The following PHF12 variants were observed in gnomAD, a reference collection of about 807,000 sequenced individuals.
PHF12 encodes PHD factor 1.
Under a neutral mutation model 99.8 loss-of-function variants are expected in PHF12, and 6 were observed. That is an observed-to-expected ratio of 0.06 (90% CI 0.03 to 0.12). The LOEUF (loss-of-function observed/expected upper bound fraction) is 0.12. Among genes scored for constraint, PHF12 ranks in the 10% least tolerant of loss-of-function variants. The probability of loss-of-function intolerance (pLI) is 1.00; values close to 1 mark genes in which losing one functional copy is unlikely to be tolerated. For synonymous variants in PHF12, 480 were observed against 514.9 expected (o/e 0.93, Z 0.92); for missense variants, 954 against 1,300.1 (o/e 0.73, Z 4.09).
intron 2 of PHF12, among the ~76,000 whole-genome samples, chr17:28,934,353 T>C (rs762060247): frequency 7.2e-5 from 11 of 152,246 alleles, no homozygotes; most frequent in Non-Finnish European, 1.6e-4. Flanking sequence ...GATTTTTTCC[T>C]ACTCTTTTCA....
intron 4 of PHF12, among the ~76,000 whole-genome samples, chr17:28,923,651 C>CAAAAAAAAAAAAAAAAAAAA (rs1491183033): frequency 0.02 from 442 of 21,896 alleles, 35 homozygotes; most frequent in Non-Finnish European, 0.025. Context: ...AAGTGAGACT[C>CAAAAAAAAAAAAAAAAAAAA]ACAAAAAAAA....
chr17:28,950,228 C>T lies in PHF12; in HGVS notation c.85G>A (p.Ala29Thr). Reference protein sequence around the residue: ...GLMEQIQALLAPPKTDEAEKR... With the variant: ...GLMEQIQALLTPPKTDEAEKR... ...TCTGCCTCGTCCGTCTTGGGGGGAG[C>T]CAGCAGAGCTTGGATTTGCTGCACA... The change falls in exon 2 of 15, where the codon GCT (alanine) becomes ACT (threonine). Residue 29 changes from alanine to threonine, a missense_variant. By Grantham distance (58) the Ala-to-Thr change is moderately conservative. Coordinates refer to ENST00000332830, the MANE Select transcript of PHF12 (RefSeq NM_001033561.2). The surrounding 1 kb of genome is among the most constrained non-coding windows in gnomAD (Gnocchi z 5.7). 6.2e-7 allele frequency: 1 copy of T among 1,610,230 alleles called. No homozygotes were observed. Among genetic ancestry groups the T allele is most frequent in the Non-Finnish European group, 8.5e-7 (1 of 1,179,836 alleles).
chr17:28,910,516 A>G lies in PHF12; in HGVS notation c.2216-147T>C, dbSNP rs2039940329. ...AACAGCATTGAGTGCAGAGCGTACA[A>G]GGATCTGCAGCTGGGCATCTCACTT... On this transcript the variant is annotated intron_variant, in intron 10 of 14. Coordinates refer to ENST00000332830, the MANE Select transcript of PHF12 (RefSeq NM_001033561.2). The G allele has an allele frequency of 7.9e-6, 8 of 1,017,558 alleles. No homozygotes were observed. The South Asian group carries it at 1.0e-4, about 13-fold the overall frequency. 63.0% of individuals were successfully genotyped at this position (1,017,558 alleles called of 1,614,324 possible).
chr17:28,922,324 C>T (rs773280139), intron 4 of PHF12, among the ~76,000 whole-genome samples: 15 of 152,036 alleles, frequency 9.9e-5, no homozygotes, highest in Non-Finnish European at 2.1e-4. Flanking sequence ...CAATTCCTGG[C>T]CTTAAGCAAT....
Position 28,906,527 on chromosome 17 carries a change from A to G in PHF12, c.2681-10T>C. On this transcript the variant is annotated splice_polypyrimidine_tract_variant and intron_variant, in intron 14 of 14. Coordinates refer to ENST00000332830, the MANE Select transcript of PHF12 (RefSeq NM_001033561.2). The surrounding 1 kb of genome is among the most constrained non-coding windows in gnomAD (Gnocchi z 4.2). ...TGGTGCCGGCGGCGCCCTGGGAAAAAGGGGGATGGTCACAGAAGAGGAACA... is the reference window on the plus strand; with the variant it reads ...TGGTGCCGGCGGCGCCCTGGGAAAAGGGGGGATGGTCACAGAAGAGGAACA... 6.3e-7 allele frequency: 1 copy of G among 1,588,736 alleles called. No individual in the cohort carries two copies. Among genetic ancestry groups the G allele is most frequent in the Non-Finnish European group, 8.6e-7 (1 of 1,163,498 alleles).
intron 2 of PHF12, among the ~76,000 whole-genome samples, chr17:28,929,121 CA>C (rs1409822992): frequency 4.9e-4 from 72 of 147,592 alleles, no homozygotes; most frequent in African/African-American, 1.8e-3. Context: ...ACAACAACAA[CA>C]AAAACCACAT....
At chr17:28,917,103 C>G (rs2040075542) in intron 7 of PHF12, among the ~76,000 whole-genome samples, 182 bp downstream of exon 7, 1 of 152,198 alleles carries the variant, frequency 6.6e-6, no homozygotes, top group African/African-American at 2.4e-5. Context: ...AGGTTCGGCC[C>G]TCATAATCCT....
chr17:28,926,899 A>T, intron 3 of PHF12, 92 bp downstream of exon 3: 1 of 1,602,564 alleles, frequency 6.2e-7, no homozygotes. Context: ...AGAAGGGACA[A>T]GAATGCCTTC....
In PHF12 at chr17:28,926,502, A is replaced by G. The variant is rs188000946; in HGVS notation, c.321+489T>C. 1.1e-5 allele frequency: 3 copies of G among 274,546 alleles called. No individual in the cohort carries two copies. The Admixed American group carries it at 1.5e-4, about 14-fold the overall frequency. 17.0% of individuals were successfully genotyped at this position (274,546 alleles called of 1,614,324 possible). ...TAGAAAATAATAAACCATGTTCTTG[A>G]AGCCAGTACTGAATTATCAAAGCTG... On this transcript the variant is annotated intron_variant, in intron 3 of 14. Transcript: ENST00000332830.
chr17:28,909,980 T>C, intron 11 of PHF12: 1 of 658,782 alleles, frequency 1.5e-6, no homozygotes, highest in Non-Finnish European at 2.7e-6. Flanking sequence ...CTTTGCTGTG[T>C]CTCGAAGTGG....
intron 2 of PHF12, among the ~76,000 whole-genome samples, chr17:28,937,977 G>C (rs1490541714): frequency 6.6e-6 from 1 of 152,162 alleles, no homozygotes; most frequent in East Asian, 1.9e-4. Context: ...CCATTGGAAG[G>C]AAGAACCAAC....
In PHF12 at chr17:28,951,462, C is replaced by T. The variant is rs1000443880; in HGVS notation, c.-502G>A. The T allele has an allele frequency of 1.0e-6, 1 of 985,650 alleles. No individual in the cohort carries two copies. Among genetic ancestry groups the T allele is most frequent in the African/African-American group, 1.7e-5 (1 of 57,244 alleles). The allele number at this position is 985,650 out of a possible 1,614,324, so 61.1% of individuals were successfully genotyped here. On this transcript the variant is annotated 5_prime_UTR_variant, in exon 1 of 15. Coordinates refer to ENST00000332830, the MANE Select transcript of PHF12 (RefSeq NM_001033561.2). Reference sequence around the variant, plus strand: ...CCGGCTGCCGCGCACTTGGCGCAAACTTACCGCGAGCGCCCGCAAAGCCAC... The same window carrying T: ...CCGGCTGCCGCGCACTTGGCGCAAATTTACCGCGAGCGCCCGCAAAGCCAC...
At chr17:28,916,333 T>C (rs1037432730) in intron 7 of PHF12, among the ~76,000 whole-genome samples, 1 of 152,192 alleles carries the variant, frequency 6.6e-6, no homozygotes, top group African/African-American at 2.4e-5. Flanking sequence ...TAGCTGGTAT[T>C]ACAGGTGCCT....
chr17:28,938,789 G>A (rs2152675965), intron 2 of PHF12, among the ~76,000 whole-genome samples: 1 of 152,206 alleles, frequency 6.6e-6, no homozygotes, highest in East Asian at 1.9e-4. Flanking sequence ...TGCTGTCATG[G>A]TTTGATGCCA....
At chr17:28,942,312 G>A (rs1375410654) in intron 2 of PHF12, among the ~76,000 whole-genome samples, 1 of 152,060 alleles carries the variant, frequency 6.6e-6, no homozygotes. Context: ...GCCAGGACAG[G>A]AGTTCGAGAA....
Position 28,950,803 on chromosome 17 carries a change from AG to A in PHF12, c.66+91del, listed in dbSNP as rs554191877. 3.8e-5 allele frequency: 58 copies of A among 1,538,948 alleles called. No homozygotes were observed. The South Asian group carries it at 6.3e-4, about 17-fold the overall frequency. ...AAGAATCCCCCTCCCTCGGCCATCT[AG>A]GCGCTTCGAGTTTAGGACTGGCTTT... is the stretch of plus-strand genomic sequence containing the variant. On this transcript the variant is annotated intron_variant, in intron 1 of 14. Coordinates refer to ENST00000332830, the MANE Select transcript of PHF12 (RefSeq NM_001033561.2). The surrounding 1 kb of genome is among the most constrained non-coding windows in gnomAD (Gnocchi z 5.7).
In PHF12 at chr17:28,906,835, C is replaced by T. The variant is rs891538172; in HGVS notation, c.2680+21G>A. 3.8e-6 allele frequency: 6 copies of T among 1,577,496 alleles called. No individual in the cohort carries two copies. The highest frequency in any genetic ancestry group is 5.2e-6 in the Non-Finnish European group (6 of 1,159,778). On this transcript the variant is annotated intron_variant, in intron 14 of 14. Coordinates refer to ENST00000332830, the MANE Select transcript of PHF12 (RefSeq NM_001033561.2). The surrounding 1 kb of genome is among the most constrained non-coding windows in gnomAD (Gnocchi z 4.2). The stretch of plus-strand genomic sequence containing the variant: ...GACTGGGGCCTCAGCTTTGTGGCCA[C>T]AGATCTCTGCTCCAACTTACTGATG...
chr17:28,938,155 C>T (rs1042790315), intron 2 of PHF12, among the ~76,000 whole-genome samples: 1 of 152,160 alleles, frequency 6.6e-6, no homozygotes, highest in African/African-American at 2.4e-5. Context: ...ATATATTGTA[C>T]CTAAAATTCT....
rs200577719 is a variant in PHF12, at chr17:28,950,060, C to G, written c.248+5G>C. The G allele has an allele frequency of 3.2e-5, 52 of 1,608,890 alleles. No homozygotes were observed. In the East Asian group the frequency reaches 1.1e-3, roughly 34 times the overall value. ...AGAAGCTCCAAAAGGGTCCCCAGAC[C>G]TTACCAGCACTGGAGGTGGAAGGCA... On this transcript the variant is annotated splice_donor_5th_base_variant and intron_variant, in intron 2 of 14. Coordinates refer to ENST00000332830, the MANE Select transcript of PHF12 (RefSeq NM_001033561.2). The surrounding 1 kb of genome is among the most constrained non-coding windows in gnomAD (Gnocchi z 5.7).
Sources: allele counts gnomAD v4.1 joint callset (sites outside exome capture counted in the v4.1 genomes callset), GRCh38; gene constraint gnomAD v4.1.1; non-coding constraint Gnocchi (gnomAD v3.1); transcripts MANE v1.5; gene names NCBI Gene and HGNC (gene_info 2026-07-23, HGNC 2026-07-21).